The following EGLN3 variants were observed in gnomAD, a reference collection of about 807,000 sequenced individuals.
The protein encoded by EGLN3 is prolyl hydroxylase EGLN3.
A neutral mutation model predicts 26.0 loss-of-function variants in EGLN3; 15 were observed. That is an observed-to-expected ratio of 0.58 (90% confidence interval 0.39 to 0.89). The LOEUF is 0.89. EGLN3 is among the 40% of genes least tolerant of loss of function. EGLN3 has a pLI of 0.00. For synonymous variants in EGLN3, 147 were observed against 127.2 expected (o/e 1.16, Z -1.05); for missense variants, 238 against 311.6 (o/e 0.76, Z 1.78).
chr14:33,950,578 C>T lies in EGLN3; in HGVS notation c.175G>A (p.Gly59Ser), dbSNP rs768641384. 1.9e-6 allele frequency: 3 copies of T among 1,611,948 alleles called. No individual in the cohort carries two copies. Among genetic ancestry groups the T allele is most frequent in the South Asian group, 1.1e-5 (1 of 91,006 alleles). Reference protein sequence around the residue: ...QLHCTGALRDGQLAGPRAGVS... With the variant: ...QLHCTGALRDSQLAGPRAGVS... ...CCGGCGCGCGGCCCCGCCAGCTGGC[C>T]GTCCCGCAGGGCCCCGGTGCAGTGC... Residue 59 changes from glycine to serine, a missense_variant, in exon 1 of 5, where the codon GGC becomes AGC. Coordinates refer to ENST00000250457, the MANE Select transcript of EGLN3 (RefSeq NM_022073.4).
intron 1 of EGLN3, chr14:33,949,054 ATTT>A: frequency 6.6e-6 from 1 of 152,314 alleles, no homozygotes; most frequent in East Asian, 1.9e-4. Flanking sequence ...CTCACGCGGA[ATTT>A]TTTTCCCCAA....
In EGLN3 at chr14:33,950,788, T is replaced by TGATACG; in HGVS notation, c.-37_-36insCGTATC. On this transcript the variant is annotated 5_prime_UTR_variant, in exon 1 of 5. Coordinates refer to ENST00000250457, the MANE Select transcript of EGLN3 (RefSeq NM_022073.4). ...GAATCGAGGTCCGGGATCCCCAGCG[T>TGATACG]GCAACCAGAGAGGGAACGATCTACA... The TGATACG allele has an allele frequency of 6.4e-7, 1 of 1,556,590 alleles. No homozygotes were observed. Among genetic ancestry groups the TGATACG allele is most frequent in the Non-Finnish European group, 8.8e-7 (1 of 1,141,496 alleles).
At position 33,929,295 on chromosome 14, in the gene EGLN3, T is replaced by A. The variant is rs975323961; in HGVS notation, c.478-83A>T. 9 of 1,530,690 alleles carry A rather than the reference T, an allele frequency of 5.9e-6. No homozygotes were observed. In the African/African-American group the frequency reaches 1.1e-4, roughly 19 times the overall value. 94.8% of individuals were successfully genotyped at this position (1,530,690 alleles called of 1,614,324 possible). ...CATATTTCAGCTCCATTTAGAAACA[T>A]GCCATCTGCTAACCACCACTCCAAA... On this transcript the variant is annotated intron_variant, in intron 2 of 4. Transcript: ENST00000250457.
rs769165058 is a variant in EGLN3 at position 33,929,153 on chromosome 14, C to T, written c.537G>A (p.Glu179=). The change falls in exon 3 of 5, where the codon GAG becomes GAA. Residue 179 remains glutamate, a synonymous_variant. Transcript: ENST00000250457. ...AGAACAGGAGTCTGTCAAAAATGGGCTCCACATCTGCTATGAATGATTTCC... is the reference window on the plus strand; with the variant it reads ...AGAACAGGAGTCTGTCAAAAATGGGTTCCACATCTGCTATGAATGATTTCC... ...PEGKSFIADV[E]PIFDRLLFFW... The T allele has an allele frequency of 4.3e-6, 7 of 1,614,084 alleles. No individual in the cohort carries two copies. In the African/African-American group the frequency reaches 6.7e-5, roughly 15 times the overall value.
Position 33,950,866 on chromosome 14 carries a change from G to T in EGLN3, c.-114C>A, listed in dbSNP as rs2064556387. 1.1e-6 allele frequency: 1 copy of T among 903,976 alleles called. No individual in the cohort carries two copies. The highest frequency in any genetic ancestry group is 1.7e-6 in the Non-Finnish European group (1 of 589,282). The allele number at this position is 903,976 out of a possible 1,614,324, so 56.0% of individuals were successfully genotyped here. A position where few individuals can be genotyped will look rare whatever the true frequency, so the allele number is the denominator to read the frequency against. ...GTGGCCCGGGGTTCAGAAACCTGCG[G>T]CTGCCACGGTACCCGAGCCGCTGCA... On this transcript the variant is annotated 5_prime_UTR_variant, in exon 1 of 5. Coordinates refer to ENST00000250457, the MANE Select transcript of EGLN3 (RefSeq NM_022073.4).
chr14:33,941,343 A>C (rs1223828504), intron 1 of EGLN3, among the ~76,000 whole-genome samples: 1 of 152,022 alleles, frequency 6.6e-6, no homozygotes, highest in African/African-American at 2.4e-5. Flanking sequence ...ACCTGTAGGT[A>C]TGAGCTGCCA....
At chr14:33,948,700 T>C (rs1594386757) in intron 1 of EGLN3, 1 of 152,236 alleles carries the variant, frequency 6.6e-6, no homozygotes, top group East Asian at 1.9e-4. Flanking sequence ...AATAAAAATA[T>C]TTAACTTTCA....
At position 33,939,845 on chromosome 14, in the gene EGLN3, T is replaced by C. The variant is rs142843638; in HGVS notation, c.358-8630A>G. On this transcript the variant is annotated intron_variant, in intron 1 of 4. Transcript: ENST00000250457. ...GTTGGTCTGGCTGAAGAGTGTGAGG[T>C]CTTAAGACGTGCTTTACCAACTCAG... Among the ~76,000 whole-genome samples the C allele has an allele frequency of 5.5e-3, 843 of 152,256 alleles. 5 individuals carry two copies. The highest frequency in any genetic ancestry group is 0.01 in the Middle Eastern group (3 of 294).
At chr14:33,930,651 C>T (rs922017705) in intron 2 of EGLN3, among the ~76,000 whole-genome samples, 6 of 152,110 alleles carry the variant, frequency 3.9e-5, no homozygotes, top group African/African-American at 4.8e-5. Flanking sequence ...CATACCACCC[C>T]GAGGGAGAGG....
At chr14:33,947,764 T>C (rs896067885) in intron 1 of EGLN3, among the ~76,000 whole-genome samples, 5 of 152,166 alleles carry the variant, frequency 3.3e-5, no homozygotes, top group African/African-American at 9.7e-5. Context: ...TAAAAATAAA[T>C]TTAAGGGCCG....
intron 1 of EGLN3, among the ~76,000 whole-genome samples, chr14:33,931,569 C>T (rs566496336): frequency 6.6e-6 from 1 of 152,268 alleles, no homozygotes; most frequent in East Asian, 1.9e-4. Flanking sequence ...TTCTAGTTTC[C>T]CATGCTACAA....
chr14:33,939,094 T>G (rs950859418), intron 1 of EGLN3, among the ~76,000 whole-genome samples: 1 of 152,208 alleles, frequency 6.6e-6, no homozygotes, highest in African/African-American at 2.4e-5. Flanking sequence ...CCTAAAGTAC[T>G]TAAAGAATCC....
intron 2 of EGLN3, 67 bp downstream of exon 2, chr14:33,931,029 C>A: frequency 6.3e-7 from 1 of 1,598,304 alleles, no homozygotes; most frequent in Non-Finnish European, 8.5e-7. Flanking sequence ...AAACTCTCCT[C>A]TAAGTTATCT....
chr14:33,926,340 G>A (rs897082867), intron 4 of EGLN3, among the ~76,000 whole-genome samples: 13 of 152,174 alleles, frequency 8.5e-5, no homozygotes, highest in African/African-American at 2.2e-4. Flanking sequence ...TTTCCTTACT[G>A]CAGGATCTCT....
At position 33,947,416 on chromosome 14, in the gene EGLN3, G is replaced by A. The variant is rs571639835; in HGVS notation, c.357+2980C>T. Among the ~76,000 whole-genome samples, 193 of 152,266 alleles carry A rather than the reference G, an allele frequency of 1.3e-3. 3 individuals carry two copies. Among genetic ancestry groups the A allele is most frequent in the Admixed American group, 5.2e-3 (79 of 15,304 alleles). On this transcript the variant is annotated intron_variant, in intron 1 of 4. Coordinates refer to ENST00000250457, the MANE Select transcript of EGLN3 (RefSeq NM_022073.4). ...TGACCATTAACAACTTTCTTGGCAG[G>A]AAGCAGAACCATCTAATATTTCTTT...
chr14:33,924,956 A>AAAC lies in EGLN3; in HGVS notation c.*934_*935insGTT, dbSNP rs1348532554. 6.6e-6 allele frequency: 1 copy of AAAC among 150,852 alleles called. No individual in the cohort carries two copies. Among genetic ancestry groups the AAAC allele is most frequent in the East Asian group, 1.9e-4 (1 of 5,178 alleles). 9.3% of individuals were successfully genotyped at this position (150,852 alleles called of 1,614,324 possible). On this transcript the variant is annotated 3_prime_UTR_variant, in exon 5 of 5. Transcript: ENST00000250457. ...AAAGGAAAACTAAAAAAAAAAAAAAAAAAAAAACAGGAACACCCACATTTC... is the reference window on the plus strand; with the variant it reads ...AAAGGAAAACTAAAAAAAAAAAAAAAAACAAAAAAACAGGAACACCCACATTTC...
intron 1 of EGLN3, among the ~76,000 whole-genome samples, chr14:33,933,664 C>T (rs191410485): frequency 4.2e-4 from 64 of 152,230 alleles, no homozygotes; most frequent in African/African-American, 1.5e-3. Flanking sequence ...TGCTTGGGCA[C>T]ATTCCCAACT....
chr14:33,939,208 C>CTTTTTT (rs71433637), intron 1 of EGLN3, among the ~76,000 whole-genome samples: 3 of 131,048 alleles, frequency 2.3e-5, no homozygotes, highest in Non-Finnish European at 5.2e-5. Context: ...AAACAATCAT[C>CTTTTTT]TTTTTTTTTT....
chr14:33,925,760 G>A lies in EGLN3; in HGVS notation c.*131C>T. The stretch of plus-strand genomic sequence containing the variant: ...ACATGAAGTACCACACACAAGACAG[G>A]GATGTGAAGGATGCAAGAAGTAGCA... On this transcript the variant is annotated 3_prime_UTR_variant, in exon 5 of 5. Transcript: ENST00000250457. 2 of 992,364 alleles carry A rather than the reference G, an allele frequency of 2.0e-6. No individual in the cohort carries two copies. The highest frequency in any genetic ancestry group is 3.1e-6 in the Non-Finnish European group (2 of 638,668). 61.5% of individuals were successfully genotyped at this position (992,364 alleles called of 1,614,324 possible).
Sources: allele counts gnomAD v4.1 joint callset (sites outside exome capture counted in the v4.1 genomes callset), GRCh38; gene constraint gnomAD v4.1.1; transcripts MANE v1.5; gene names NCBI Gene and HGNC (gene_info 2026-07-23, HGNC 2026-07-21).